Variants in NXPH1 observed in about 807,000 individuals in gnomAD.
NXPH1 encodes the protein neurexophilin-1.
In NXPH1, 5 loss-of-function variants were observed where a neutral mutation model predicts 23.7. The ratio of observed to expected loss-of-function variants is 0.21; its 90% CI spans 0.11 to 0.44. The LOEUF (loss-of-function observed/expected upper bound fraction) is 0.44, where lower values mean the gene tolerates loss of function less well. Among genes scored for constraint, NXPH1 ranks in the 20% least tolerant of loss-of-function variants. The pLI, the probability that NXPH1 is intolerant of heterozygous loss-of-function variation, is 0.99. For missense variants in NXPH1, 324 were observed against 321.6 expected (o/e 1.01, Z -0.06); for synonymous variants, 144 against 122.2 (o/e 1.18, Z -1.18).
chr7:8,697,157 CAAAAAA>C (rs139349283), intron 2 of NXPH1, among the ~76,000 whole-genome samples: 4 of 104,890 alleles, frequency 3.8e-5, no homozygotes, highest in Non-Finnish European at 3.8e-5. Flanking sequence ...GATTCTGTTT[CAAAAAA>C]AAAAAAAAAA....
intron 2 of NXPH1, among the ~76,000 whole-genome samples, chr7:8,507,040 A>C (rs1183661740): frequency 6.7e-6 from 1 of 149,572 alleles, no homozygotes; most frequent in Non-Finnish European, 1.5e-5. Flanking sequence ...GGCAGAGGTC[A>C]TCAGAAAGCC....
chr7:8,656,525 TCAGAGGGTGG>T (rs1820585111), intron 2 of NXPH1, among the ~76,000 whole-genome samples: 1 of 147,352 alleles, frequency 6.8e-6, no homozygotes, highest in African/African-American at 2.5e-5. Flanking sequence ...TTTTTTTTTT[TCAGAGGGTGG>T]TTTTTCTTTT....
At chr7:8,485,178 A>G (rs186879362) in intron 2 of NXPH1, among the ~76,000 whole-genome samples, 1 of 152,234 alleles carries the variant, frequency 6.6e-6, no homozygotes, top group East Asian at 1.9e-4. Context: ...ATAGTGAATG[A>G]GTCTCATGAA....
intron 2 of NXPH1, among the ~76,000 whole-genome samples, chr7:8,662,866 T>A (rs1820699362): frequency 6.6e-6 from 1 of 152,114 alleles, no homozygotes. Context: ...CATTATTCAA[T>A]GCTTGGAAGA....
chr7:8,652,806 C>T (rs1820510061), intron 2 of NXPH1, among the ~76,000 whole-genome samples: 1 of 152,062 alleles, frequency 6.6e-6, no homozygotes, highest in African/African-American at 2.4e-5. Context: ...GATGTATCTC[C>T]CCATCCGTTT....
chr7:8,652,689 TC>T (rs1820508457), intron 2 of NXPH1, among the ~76,000 whole-genome samples: 1 of 152,166 alleles, frequency 6.6e-6, no homozygotes, highest in Admixed American at 6.5e-5. Context: ...TGAATTAATC[TC>T]TATTTTCTTT....
chr7:8,645,160 A>G (rs1820376826), intron 2 of NXPH1, among the ~76,000 whole-genome samples: 1 of 152,150 alleles, frequency 6.6e-6, no homozygotes, highest in Admixed American at 6.5e-5. Flanking sequence ...GAATGCACAC[A>G]AAGAATTCTT....
chr7:8,518,498 C>T (rs796082066), intron 2 of NXPH1, among the ~76,000 whole-genome samples: 1 of 152,086 alleles, frequency 6.6e-6, no homozygotes, highest in Non-Finnish European at 1.5e-5. Flanking sequence ...AGCTTTCCGT[C>T]CCCTTGTTTA....
At chr7:8,647,072 A>G (rs1051492447) in intron 2 of NXPH1, among the ~76,000 whole-genome samples, 1 of 152,140 alleles carries the variant, frequency 6.6e-6, no homozygotes, top group Admixed American at 6.5e-5. Context: ...AGACAATCGG[A>G]CAGACACGGA....
chr7:8,604,246 T>C (rs117210300), intron 2 of NXPH1, among the ~76,000 whole-genome samples: 1 of 152,276 alleles, frequency 6.6e-6, no homozygotes, highest in East Asian at 1.9e-4. Flanking sequence ...TTTAAACTTG[T>C]TGATTCAATG....
intron 2 of NXPH1, among the ~76,000 whole-genome samples, chr7:8,739,171 T>TAAAAAAAAAAAAA: frequency 1.9e-5 from 1 of 54,044 alleles, no homozygotes; most frequent in Non-Finnish European, 3.3e-5. Flanking sequence ...ACCAGTGGGG[T>TAAAAAAAAAAAAA]AAAAAAAAAA....
intron 2 of NXPH1, among the ~76,000 whole-genome samples, chr7:8,497,339 T>C (rs1199975356): frequency 6.6e-6 from 1 of 152,208 alleles, no homozygotes; most frequent in Non-Finnish European, 1.5e-5. Flanking sequence ...CATGTGTCTT[T>C]ATAGCAGCAT....
At position 8,435,344 on chromosome 7, in the gene NXPH1, G is replaced by T. The variant is rs539372013; in HGVS notation, c.-110-260G>T. ...TGCACGCGGCTCAGTGTGCTCCGCC[G>T]CCTGGGAACTCGCACCCGAGGAGCG... On this transcript the variant is annotated intron_variant, in intron 1 of 2. Coordinates refer to ENST00000405863, the MANE Select transcript of NXPH1 (RefSeq NM_152745.3). This position sits in a 1 kb window ranked among gnomAD's most constrained non-coding sequence, Gnocchi z 5.9. The T allele has an allele frequency of 3.0e-5, 10 of 330,512 alleles. No homozygotes were observed. The highest frequency in any genetic ancestry group is 5.7e-5 in the Non-Finnish European group (10 of 176,456). 20.5% of individuals were successfully genotyped at this position (330,512 alleles called of 1,614,324 possible).
chr7:8,513,684 A>G (rs1164721803), intron 2 of NXPH1, among the ~76,000 whole-genome samples: 1 of 152,088 alleles, frequency 6.6e-6, no homozygotes, highest in Non-Finnish European at 1.5e-5. Flanking sequence ...GATAGGATGA[A>G]AAAGGTAAGG....
At chr7:8,537,402 A>G (rs910329263) in intron 2 of NXPH1, among the ~76,000 whole-genome samples, 2 of 151,990 alleles carry the variant, frequency 1.3e-5, no homozygotes, top group African/African-American at 4.8e-5. Flanking sequence ...GCATCAGGAA[A>G]CTTACGATCG....
rs1300667371 is a variant in NXPH1, at chr7:8,649,777, G to GT, written c.55-101224dup. Among the ~76,000 whole-genome samples the GT allele has an allele frequency of 8.5e-5, 13 of 152,094 alleles. No homozygotes were observed. The South Asian group carries it at 2.5e-3, about 29-fold the overall frequency. On this transcript the variant is annotated intron_variant, in intron 2 of 2. Transcript: ENST00000405863. Reference sequence around the variant, plus strand: ...TTCCTACTTTATTATTCTCTTTTGAGTTTTTTTCTTACTTTGCAGAATAAA... The same window carrying GT: ...TTCCTACTTTATTATTCTCTTTTGAGTTTTTTTTCTTACTTTGCAGAATAAA...
At chr7:8,507,932 A>G (rs928557745) in intron 2 of NXPH1, among the ~76,000 whole-genome samples, 2 of 152,118 alleles carry the variant, frequency 1.3e-5, no homozygotes, top group Admixed American at 6.6e-5. Context: ...CGGTCAGTCA[A>G]TAGGGAAAAA....
At chr7:8,576,772 T>C (rs879426143) in intron 2 of NXPH1, among the ~76,000 whole-genome samples, 5 of 152,166 alleles carry the variant, frequency 3.3e-5, no homozygotes, top group Non-Finnish European at 7.3e-5. Context: ...TTGTTCCTTG[T>C]ACTGATGATG....
In NXPH1 at chr7:8,435,884, G is replaced by A. The variant is rs1816185180; in HGVS notation, c.54+117G>A. ...GTTCAGTGAGAGCAGCTTCCTAGCA[G>A]CTGTGTTGGAGCAACTTTGGCAAGC... On this transcript the variant is annotated intron_variant, in intron 2 of 2. Coordinates refer to ENST00000405863, the MANE Select transcript of NXPH1 (RefSeq NM_152745.3). The surrounding 1 kb of genome is among the most constrained non-coding windows in gnomAD (Gnocchi z 5.9). 3.0e-6 allele frequency: 3 copies of A among 994,138 alleles called. No individual in the cohort carries two copies. The highest frequency in any genetic ancestry group is 1.6e-5 in the African/African-American group (1 of 62,828). The allele number at this position is 994,138 out of a possible 1,614,324, so 61.6% of individuals were successfully genotyped here. A position where few individuals can be genotyped will look rare whatever the true frequency, so the allele number is the denominator to read the frequency against.
Sources: gnomAD v4.1 joint callset for allele counts (sites outside exome capture counted in the v4.1 genomes callset) on GRCh38, gnomAD v4.1.1 for gene constraint, Gnocchi (gnomAD v3.1) non-coding constraint, MANE v1.5 for transcripts, NCBI Gene and HGNC (gene_info 2026-07-23, HGNC 2026-07-21) for gene names.